The following ATXN1 variants were observed in gnomAD, a reference collection of about 807,000 sequenced individuals.
ATXN1 encodes the protein ataxin 1.
Under a neutral mutation model 56.4 loss-of-function variants are expected in ATXN1, and 8 were observed. That is an observed-to-expected ratio of 0.14 (90% CI 0.08 to 0.26). The LOEUF (loss-of-function observed/expected upper bound fraction) is 0.26, where lower values mean the gene tolerates loss of function less well. Among genes scored for constraint, ATXN1 ranks in the 10% least tolerant of loss-of-function variants. The probability of loss-of-function intolerance (pLI) is 1.00; values close to 1 mark genes in which losing one functional copy is unlikely to be tolerated. For synonymous variants in ATXN1, 514 were observed against 494.6 expected, an observed-to-expected ratio of 1.04 and a Z score of -0.52; for missense variants, 987 against 1,106.5, an observed-to-expected ratio of 0.89 and a Z score of 1.53.
At chr6:16,511,419 A>C (rs898910027) in intron 5 of ATXN1, among the ~76,000 whole-genome samples, 1 of 152,226 alleles carries the variant, frequency 6.6e-6, no homozygotes, top group African/African-American at 2.4e-5. Context: ...AAGTATATCT[A>C]AACTCTTTTT....
chr6:16,693,247 T>G (rs1759086463), intron 2 of ATXN1, among the ~76,000 whole-genome samples: 1 of 152,212 alleles, frequency 6.6e-6, no homozygotes, highest in South Asian at 2.1e-4. Flanking sequence ...GCACTGAATT[T>G]GAAGTCCAGT....
intron 2 of ATXN1, among the ~76,000 whole-genome samples, chr6:16,719,103 T>C (rs548868988): frequency 6.6e-6 from 1 of 152,218 alleles, no homozygotes; most frequent in Admixed American, 6.5e-5. Flanking sequence ...GAATGATTCA[T>C]CTCCACAATA....
chr6:16,347,885 T>C (rs1460262317), intron 6 of ATXN1, among the ~76,000 whole-genome samples: 1 of 152,240 alleles, frequency 6.6e-6, no homozygotes, highest in Non-Finnish European at 1.5e-5. Flanking sequence ...TTGTTCTTTT[T>C]GTCTTTGCAA....
chr6:16,360,229 C>G (rs2113473678), intron 6 of ATXN1, among the ~76,000 whole-genome samples: 1 of 152,200 alleles, frequency 6.6e-6, no homozygotes, highest in Non-Finnish European at 1.5e-5. Flanking sequence ...AGACACTAAC[C>G]CAGAATCTGA....
chr6:16,462,255 T>A (rs775961814), intron 6 of ATXN1, among the ~76,000 whole-genome samples: 56 of 152,102 alleles, frequency 3.7e-4, no homozygotes, highest in Non-Finnish European at 5.0e-4. Context: ...ATTCACTACA[T>A]GCGAGTTAAA....
At position 16,362,496 on chromosome 6, in the gene ATXN1, T is replaced by A. The variant is rs191997894; in HGVS notation, c.-160-34026A>T. Among the ~76,000 whole-genome samples, 5 of 152,116 alleles carry A rather than the reference T, an allele frequency of 3.3e-5. No individual in the cohort carries two copies. The East Asian group carries it at 9.7e-4, about 29-fold the overall frequency. ...TCAGCAGTTACCCCCATTATCACCA[T>A]CATCACTTCGCTCCCGCCCGGTCCC... On this transcript the variant is annotated intron_variant, in intron 6 of 7. Transcript: ENST00000436367.
At chr6:16,526,198 G>A (rs1270273987) in intron 4 of ATXN1, among the ~76,000 whole-genome samples, 1 of 151,640 alleles carries the variant, frequency 6.6e-6, no homozygotes, top group Non-Finnish European at 1.5e-5. Context: ...AACATTTGAG[G>A]ACTGAAAGAG....
In ATXN1 at chr6:16,625,981, T is replaced by C. The variant is rs184641139; in HGVS notation, c.-489+31795A>G. 1.5e-4 allele frequency among the ~76,000 whole-genome samples: 23 copies of C among 152,288 alleles called. No individual in the cohort carries two copies. In the East Asian group the frequency reaches 4.2e-3, roughly 28 times the overall value. The stretch of plus-strand genomic sequence containing the variant: ...TAAAACGAGTGATTGTACTAAGGTA[T>C]AGAAATGGCACTCGTACTTCCTGTT... On this transcript the variant is annotated intron_variant, in intron 3 of 7. Coordinates refer to ENST00000436367, the MANE Select transcript of ATXN1 (RefSeq NM_001128164.2).
intron 6 of ATXN1, among the ~76,000 whole-genome samples, chr6:16,448,001 C>G (rs138349692): frequency 1.1e-3 from 160 of 152,216 alleles, no homozygotes; most frequent in African/African-American, 3.3e-3. Context: ...CAAAAGTATC[C>G]TTGAAATTGT....
At chr6:16,542,015 A>G (rs1761724194) in intron 4 of ATXN1, among the ~76,000 whole-genome samples, 1 of 152,194 alleles carries the variant, frequency 6.6e-6, no homozygotes, top group African/African-American at 2.4e-5. Context: ...TGATAGGTGT[A>G]TCTATTAAAA....
chr6:16,723,436 A>T (rs535432937), intron 2 of ATXN1, among the ~76,000 whole-genome samples: 4 of 152,232 alleles, frequency 2.6e-5, no homozygotes, highest in Admixed American at 6.5e-5. Context: ...ACTAAGCTAC[A>T]ATCATTACTT....
intron 7 of ATXN1, among the ~76,000 whole-genome samples, chr6:16,307,897 T>TA (rs1760292596): frequency 6.6e-6 from 1 of 152,156 alleles, no homozygotes; most frequent in Non-Finnish European, 1.5e-5. Flanking sequence ...CTCATGCCTG[T>TA]AATCCCAGCA....
At chr6:16,347,958 C>A (rs1761462595) in intron 6 of ATXN1, among the ~76,000 whole-genome samples, 1 of 152,212 alleles carries the variant, frequency 6.6e-6, no homozygotes, top group Non-Finnish European at 1.5e-5. Context: ...ATAACACTCA[C>A]CGGAAAGGTC....
intron 6 of ATXN1, among the ~76,000 whole-genome samples, chr6:16,400,397 A>T (rs1461995747): frequency 6.6e-6 from 1 of 151,852 alleles, no homozygotes; most frequent in Non-Finnish European, 1.5e-5. Flanking sequence ...CTCTATCCTC[A>T]TTCGAAAATT....
chr6:16,477,694 C>G (rs994820202), intron 6 of ATXN1, among the ~76,000 whole-genome samples: 3 of 152,206 alleles, frequency 2.0e-5, no homozygotes, highest in African/African-American at 7.2e-5. Flanking sequence ...AAACATTAAC[C>G]TAATTCACAA....
At chr6:16,390,783 C>T (rs546216453) in intron 6 of ATXN1, among the ~76,000 whole-genome samples, 1 of 152,148 alleles carries the variant, frequency 6.6e-6, no homozygotes, top group Non-Finnish European at 1.5e-5. Context: ...GTTCTAGTTC[C>T]AATTCCTCTC....
chr6:16,602,190 T>C (rs1762923769), intron 3 of ATXN1, among the ~76,000 whole-genome samples: 1 of 152,132 alleles, frequency 6.6e-6, no homozygotes, highest in Non-Finnish European at 1.5e-5. Context: ...TGTAGGATCC[T>C]TCCCCTTAGG....
At chr6:16,389,545 CTGAA>C (rs1438806152) in intron 6 of ATXN1, among the ~76,000 whole-genome samples, 2 of 152,158 alleles carry the variant, frequency 1.3e-5, no homozygotes, top group Admixed American at 1.3e-4. Flanking sequence ...TGTAAGACTA[CTGAA>C]TGAATGAAGG....
chr6:16,672,501 G>C (rs1758559503), intron 2 of ATXN1, among the ~76,000 whole-genome samples: 1 of 152,164 alleles, frequency 6.6e-6, no homozygotes, highest in South Asian at 2.1e-4. Flanking sequence ...GTGAATTCGT[G>C]GTAAAAGCGA....
Sources: gnomAD v4.1 joint callset for allele counts (sites outside exome capture counted in the v4.1 genomes callset) on GRCh38, gnomAD v4.1.1 for gene constraint, MANE v1.5 for transcripts, NCBI Gene and HGNC (gene_info 2026-07-23, HGNC 2026-07-21) for gene names.